Variants in PCDHGB2 observed in about 807,000 individuals in gnomAD.
The protein encoded by PCDHGB2 is protocadherin gamma-B2.
PCDHGB2 carries 55 observed loss-of-function variants against 59.3 expected under a neutral mutation model. That is an observed-to-expected ratio of 0.93 (90% CI 0.75 to 1.16). The LOEUF (loss-of-function observed/expected upper bound fraction) is 1.16, where lower values mean the gene tolerates loss of function less well. Ranked by LOEUF, PCDHGB2 falls within the 50% of genes most tolerant of loss-of-function variation. PCDHGB2 has a pLI of 0.00. For synonymous variants in PCDHGB2, 516 were observed against 512.0 expected, an observed-to-expected ratio of 1.01 and a Z score of -0.11; for missense variants, 1,228 against 1,198.5, an observed-to-expected ratio of 1.02 and a Z score of -0.36.
At chr5:141,395,379 C>A in intron 1 of PCDHGB2, 1 of 1,139,610 alleles carries the variant, frequency 8.8e-7, no homozygotes, top group Non-Finnish European at 1.2e-6. Flanking sequence ...GGTGGTGTTA[C>A]TATAAAATTG....
rs1273620361 is a variant in PCDHGB2, at chr5:141,486,809, A to G, written c.2422-7998A>G. 1 of 1,614,106 alleles carries G rather than the reference A, an allele frequency of 6.2e-7. No homozygotes were observed. The highest frequency in any genetic ancestry group is 1.3e-5 in the African/African-American group (1 of 74,936). On this transcript the variant is annotated intron_variant, in intron 1 of 3. Coordinates refer to ENST00000522605, the MANE Select transcript of PCDHGB2 (RefSeq NM_018923.3). This position sits in a 1 kb window ranked among gnomAD's most constrained non-coding sequence, Gnocchi z 5.0. ...CCGGGATCGGGGCAACCCACCCCTT[A>G]GCAGCACTGTAACAGTTCGTCTATT...
intron 1 of PCDHGB2, chr5:141,379,581 T>A (rs1300858565): frequency 6.6e-6 from 1 of 152,240 alleles, no homozygotes; most frequent in Non-Finnish European, 1.5e-5. Context: ...TGGTTTATTT[T>A]ATTCTCTTAT....
rs1344893342 is a variant in PCDHGB2, at chr5:141,362,052, C to T, written c.1917C>T (p.Arg639=). ...CCTTGGGCGACAGGGACGCGGCCCG[C>T]CAGCGCCTGCTGGTCGCTGTGCGTG... The part of the protein sequence containing the change: ...ARALGDRDAA[R]QRLLVAVRDG... The change falls in exon 1 of 4, where the codon CGC becomes CGT. Residue 639 remains arginine, a synonymous_variant. Coordinates refer to ENST00000522605, the MANE Select transcript of PCDHGB2 (RefSeq NM_018923.3). The T allele has an allele frequency of 6.2e-7, 1 of 1,611,434 alleles. No individual in the cohort carries two copies. Among genetic ancestry groups the T allele is most frequent in the African/African-American group, 1.3e-5 (1 of 74,864 alleles).
At chr5:141,450,727 T>G (rs1592137328) in intron 1 of PCDHGB2, among the ~76,000 whole-genome samples, 1 of 152,080 alleles carries the variant, frequency 6.6e-6, no homozygotes, top group Non-Finnish European at 1.5e-5. Flanking sequence ...CCTCAGGTGA[T>G]CCGCCCGCCT....
rs2099699514 is a variant in PCDHGB2 at position 141,490,385 on chromosome 5, A to G, written c.2422-4422A>G. 1 of 1,614,190 alleles carries G rather than the reference A, an allele frequency of 6.2e-7. No individual in the cohort carries two copies. Among genetic ancestry groups the G allele is most frequent in the African/African-American group, 1.3e-5 (1 of 75,032 alleles). ...GTGCGAGACCGGGACTCAGGTAGAA[A>G]TGGTGAAGTGAGCCTTGATATCTCT... On this transcript the variant is annotated intron_variant, in intron 1 of 3. Coordinates refer to ENST00000522605, the MANE Select transcript of PCDHGB2 (RefSeq NM_018923.3). This position sits in a 1 kb window ranked among gnomAD's most constrained non-coding sequence, Gnocchi z 5.4.
rs760509503 is a variant in PCDHGB2 at position 141,432,756 on chromosome 5, A to T, written c.2422-62051A>T. The T allele has an allele frequency of 5.6e-6, 9 of 1,613,958 alleles. No homozygotes were observed. Among genetic ancestry groups the T allele is most frequent in the Non-Finnish European group, 7.6e-6 (9 of 1,179,994 alleles). On this transcript the variant is annotated intron_variant, in intron 1 of 3. Transcript: ENST00000522605. This position sits in a 1 kb window ranked among gnomAD's most constrained non-coding sequence, Gnocchi z 6.0. ...GTCACGCTCACCGTGGCCGTGGCCG[A>T]CAGCATCCCCCAAGTCCTGGCGGAC...
intron 1 of PCDHGB2, chr5:141,388,548 C>A: frequency 6.2e-7 from 1 of 1,613,842 alleles, no homozygotes; most frequent in Non-Finnish European, 8.5e-7. Flanking sequence ...AGCTCCACCC[C>A]TAAGCAGCAC....
chr5:141,480,457 G>GT (rs1309116577), intron 1 of PCDHGB2, among the ~76,000 whole-genome samples: 4 of 152,060 alleles, frequency 2.6e-5, no homozygotes, highest in Non-Finnish European at 5.9e-5. Flanking sequence ...ATTTTTATTA[G>GT]TTCCTCACTC....
chr5:141,416,722 A>G (rs891558095), intron 1 of PCDHGB2: 3 of 152,258 alleles, frequency 2.0e-5, no homozygotes, highest in Admixed American at 6.5e-5. Context: ...TGATGAGTTC[A>G]TTTAGTTCAA....
chr5:141,384,703 G>C lies in PCDHGB2; in HGVS notation c.2421+22147G>C, dbSNP rs776947081. ...GGTGGACAAAGATTCAGGCCAGAAC[G>C]CCTGGCTGTCATACCTCCTGCTTAA... On this transcript the variant is annotated intron_variant, in intron 1 of 3. Transcript: ENST00000522605. 2 of 1,613,982 alleles carry C rather than the reference G, an allele frequency of 1.2e-6. No individual in the cohort carries two copies. Among genetic ancestry groups the C allele is most frequent in the African/African-American group, 1.3e-5 (1 of 74,932 alleles).
In PCDHGB2 at chr5:141,476,516, G is replaced by T. The variant is rs1042414523; in HGVS notation, c.2422-18291G>T. 1 of 1,614,016 alleles carries T rather than the reference G, an allele frequency of 6.2e-7. No individual in the cohort carries two copies. The highest frequency in any genetic ancestry group is 8.5e-7 in the Non-Finnish European group (1 of 1,180,022). ...CCAGGACATCAACGACAACAATCCT[G>T]CTTTCCCTACCCAGGAAATGAAATT... On this transcript the variant is annotated intron_variant, in intron 1 of 3. Transcript: ENST00000522605. The surrounding 1 kb of genome is among the most constrained non-coding windows in gnomAD (Gnocchi z 7.6).
intron 1 of PCDHGB2, chr5:141,405,458 T>C (rs2094670240): frequency 2.4e-6 from 3 of 1,231,152 alleles, no homozygotes; most frequent in Non-Finnish European, 2.3e-6. Flanking sequence ...CTTACTCTGT[T>C]ACCCAGGCTG....
intron 1 of PCDHGB2, chr5:141,415,794 A>C: frequency 7.3e-7 from 1 of 1,366,410 alleles, no homozygotes; most frequent in Non-Finnish European, 9.3e-7. Context: ...AAATTCACCT[A>C]GTCTCAATCA....
intron 1 of PCDHGB2, chr5:141,389,769 G>A (rs2091901102): frequency 3.1e-6 from 5 of 1,612,950 alleles, no homozygotes; most frequent in Non-Finnish European, 4.2e-6. Context: ...CACAGCGCGT[G>A]CCTTAGGCGA....
intron 1 of PCDHGB2, chr5:141,364,648 T>C (rs1199111606): frequency 6.2e-7 from 1 of 1,614,082 alleles, no homozygotes; most frequent in Non-Finnish European, 8.5e-7. Context: ...TGGTGAACTT[T>C]AACATCTTGG....
Position 141,487,830 on chromosome 5 carries a change from T to C in PCDHGB2, c.2422-6977T>C, listed in dbSNP as rs1410090651. On this transcript the variant is annotated intron_variant, in intron 1 of 3. Transcript: ENST00000522605. This position sits in a 1 kb window ranked among gnomAD's most constrained non-coding sequence, Gnocchi z 5.0. ...TTTAGCATTGGGGGCGGGTCATGCC[T>C]ATATCTGAGTAAGAAATGAAAGTAA... The C allele has an allele frequency of 3.5e-6, 4 of 1,139,942 alleles. No homozygotes were observed. The highest frequency in any genetic ancestry group is 1.6e-5 in the African/African-American group (1 of 63,734). The allele number at this position is 1,139,942 out of a possible 1,614,324, so 70.6% of individuals were successfully genotyped here.
At chr5:141,403,803 T>C (rs1323082699) in intron 1 of PCDHGB2, 5 of 1,613,668 alleles carry the variant, frequency 3.1e-6, no homozygotes. Context: ...TTCTGGAAAA[T>C]TAATGAAAAA....
intron 1 of PCDHGB2, chr5:141,390,508 T>C (rs2092164423): frequency 5.1e-6 from 3 of 589,420 alleles, no homozygotes; most frequent in Non-Finnish European, 8.8e-6. Flanking sequence ...AGCTTAGATT[T>C]ATAAAGCAAT....
At chr5:141,372,751 C>T (rs775212888) in intron 1 of PCDHGB2, 1 of 1,613,310 alleles carries the variant, frequency 6.2e-7, no homozygotes, top group Admixed American at 1.7e-5. Flanking sequence ...GATGAAGCCT[C>T]TTGGTTTGAA....
Sources: gnomAD v4.1 joint callset for allele counts (sites outside exome capture counted in the v4.1 genomes callset) on GRCh38, gnomAD v4.1.1 for gene constraint, Gnocchi (gnomAD v3.1) non-coding constraint, MANE v1.5 for transcripts, NCBI Gene and HGNC (gene_info 2026-07-23, HGNC 2026-07-21) for gene names.